Variants in RBFOX3 observed in about 807,000 individuals in gnomAD.
RBFOX3 encodes the protein RNA binding protein fox-1 homolog 3.
Under a neutral mutation model 48.7 loss-of-function variants are expected in RBFOX3, and 17 were observed. That is an observed-to-expected ratio of 0.35 (90% CI 0.24 to 0.52). RBFOX3 has a LOEUF of 0.52. Among genes scored for constraint, RBFOX3 ranks in the 20% least tolerant of loss-of-function variants. RBFOX3 has a pLI of 0.94. For missense variants in RBFOX3, 382 were observed against 497.5 expected (o/e 0.77, Z 2.21); for synonymous variants, 212 against 209.5 (o/e 1.01, Z -0.10).
At chr17:79,356,963 AC>A (rs1275594791) in intron 2 of RBFOX3, among the ~76,000 whole-genome samples, 1 of 151,842 alleles carries the variant, frequency 6.6e-6, no homozygotes, top group Non-Finnish European at 1.5e-5. Flanking sequence ...TTGGCTACCC[AC>A]CTCTTGCTTG....
Position 79,097,347 on chromosome 17 carries a change from C to A in RBFOX3, c.700G>T (p.Val234Leu). Reference sequence around the variant, plus strand: ...GGCGCAGCCCGAAATGTATTATACACGGCCCGGCCCCGGCCCCGAAGATGT... The same window carrying A: ...GGCGCAGCCCGAAATGTATTATACAAGGCCCGGCCCCGGCCCCGAAGATGT... Reference protein sequence around the residue: ...GAHLRGRGRAVYNTFRAAPPP... With the variant: ...GAHLRGRGRALYNTFRAAPPP... The change falls in exon 11 of 15, where the codon GTG (valine) becomes TTG (leucine). Residue 234 changes from valine (V) to leucine (L), a missense_variant. Val to Leu is a conservative substitution (Grantham distance 32). Coordinates refer to ENST00000693108, the MANE Select transcript of RBFOX3 (RefSeq NM_001350451.2). 1 of 1,548,852 alleles carries A rather than the reference C, an allele frequency of 6.5e-7. No individual in the cohort carries two copies. Among genetic ancestry groups the A allele is most frequent in the Non-Finnish European group, 8.7e-7 (1 of 1,146,184 alleles).
At chr17:79,386,057 G>C (rs1163041451) in intron 2 of RBFOX3, among the ~76,000 whole-genome samples, 1 of 147,964 alleles carries the variant, frequency 6.8e-6, no homozygotes, top group Non-Finnish European at 1.5e-5. Context: ...TACAGAAAGA[G>C]GCTCCATCAC....
chr17:79,119,598 C>A (rs1270748376), intron 4 of RBFOX3, among the ~76,000 whole-genome samples: 2 of 152,196 alleles, frequency 1.3e-5, no homozygotes, highest in Admixed American at 6.5e-5. Context: ...AATGTCCCCT[C>A]TTAGCCACCA....
At chr17:79,300,961 G>A (rs1191908729) in intron 3 of RBFOX3, among the ~76,000 whole-genome samples, 6 of 152,176 alleles carry the variant, frequency 3.9e-5, no homozygotes, top group African/African-American at 1.2e-4. Context: ...TGGATGCCAG[G>A]GCTGACGCAG....
chr17:79,112,123 GA>G (rs2146875114), intron 5 of RBFOX3, among the ~76,000 whole-genome samples: 1 of 152,354 alleles, frequency 6.6e-6, no homozygotes, highest in East Asian at 1.9e-4. Context: ...GTCCTGCTCA[GA>G]GGGGAGGAGC....
chr17:79,485,749 G>A (rs912259690), intron 1 of RBFOX3, among the ~76,000 whole-genome samples: 1 of 152,210 alleles, frequency 6.6e-6, no homozygotes, highest in Non-Finnish European at 1.5e-5. Flanking sequence ...CGGAGGGCAG[G>A]GATCAGCCTC....
At chr17:79,458,030 A>G (rs1193839139) in intron 2 of RBFOX3, among the ~76,000 whole-genome samples, 1 of 152,176 alleles carries the variant, frequency 6.6e-6, no homozygotes, top group Admixed American at 6.5e-5. Context: ...TGACCTCGCA[A>G]TCATGCAACC....
the RBFOX3 span, among the ~76,000 whole-genome samples, chr17:79,618,872 G>A: frequency 7.2e-5 from 11 of 152,084 alleles, no homozygotes; most frequent in East Asian, 1.9e-4. Flanking sequence ...TGGGAGAGAC[G>A]GGGAGCAGGA....
At chr17:79,294,318 C>CTT (rs57799825) in intron 3 of RBFOX3, among the ~76,000 whole-genome samples, 1 of 151,324 alleles carries the variant, frequency 6.6e-6, no homozygotes, top group Non-Finnish European at 1.5e-5. Flanking sequence ...ACACCTTTTG[C>CTT]TTTTTTTTTG....
chr17:79,343,641 G>A (rs960066482), intron 2 of RBFOX3, among the ~76,000 whole-genome samples: 2 of 152,190 alleles, frequency 1.3e-5, no homozygotes, highest in African/African-American at 4.8e-5. Flanking sequence ...GGATTCTCCC[G>A]TGGATCAGGT....
rs2086593295 is a variant in RBFOX3 at position 79,362,601 on chromosome 17, C to T, written c.-174-54777G>A. Among the ~76,000 whole-genome samples, 1 of 152,220 alleles carries T rather than the reference C, an allele frequency of 6.6e-6. No homozygotes were observed. The highest frequency in any genetic ancestry group is 1.5e-5 in the Non-Finnish European group (1 of 68,046). ...CCGCGTGTGAGGGGCCCAGAGGCCT[C>T]TTTGCAAAGCTTGAATACCTGGCGC... On this transcript the variant is annotated intron_variant, in intron 2 of 14. Coordinates refer to ENST00000693108, the MANE Select transcript of RBFOX3 (RefSeq NM_001350451.2). This position sits in a 1 kb window ranked among gnomAD's most constrained non-coding sequence, Gnocchi z 4.2.
chr17:79,637,169 G>C, the RBFOX3 span, among the ~76,000 whole-genome samples: 1 of 152,184 alleles, frequency 6.6e-6, no homozygotes, highest in Non-Finnish European at 1.5e-5. Context: ...CATTGAAAGA[G>C]CTAAAGGGAG....
At chr17:79,112,489 G>A (rs771902159) in intron 5 of RBFOX3, among the ~76,000 whole-genome samples, 16 of 152,164 alleles carry the variant, frequency 1.1e-4, no homozygotes, top group Non-Finnish European at 1.5e-4. Context: ...CGGAGCTGGG[G>A]CCCAGGCTGT....
intron 1 of RBFOX3, among the ~76,000 whole-genome samples, chr17:79,609,030 G>C (rs1364112107): frequency 1.3e-5 from 2 of 151,012 alleles, no homozygotes; most frequent in African/African-American, 4.9e-5. Context: ...GCGCCTTCTC[G>C]ACAACTTTTC....
intron 4 of RBFOX3, among the ~76,000 whole-genome samples, chr17:79,165,740 G>C (rs572862361): frequency 1.0e-3 from 159 of 152,322 alleles, no homozygotes; most frequent in African/African-American, 3.6e-3. Flanking sequence ...CCCACCCCCA[G>C]GTTCTGGAAG....
At chr17:79,373,611 G>A (rs1006619526) in intron 2 of RBFOX3, among the ~76,000 whole-genome samples, 6 of 152,112 alleles carry the variant, frequency 3.9e-5, no homozygotes, top group African/African-American at 1.2e-4. Context: ...AATCTGTCTC[G>A]GTGGTTTTAC....
At chr17:79,250,690 T>C (rs1196733954) in intron 3 of RBFOX3, among the ~76,000 whole-genome samples, 2 of 152,150 alleles carry the variant, frequency 1.3e-5, no homozygotes, top group Non-Finnish European at 2.9e-5. Flanking sequence ...CAGGACAGTA[T>C]CCTCTGCAAG....
intron 3 of RBFOX3, among the ~76,000 whole-genome samples, chr17:79,288,231 G>A (rs868680812): frequency 6.6e-6 from 1 of 152,220 alleles, no homozygotes; most frequent in Non-Finnish European, 1.5e-5. Flanking sequence ...GGCCAGGGAA[G>A]CTCACCAGGA....
the RBFOX3 span, among the ~76,000 whole-genome samples, chr17:79,656,103 A>C: frequency 6.6e-6 from 1 of 152,058 alleles, no homozygotes; most frequent in Non-Finnish European, 1.5e-5. Flanking sequence ...AACCACCAGA[A>C]CCCACGTCCT....
Sources: allele counts gnomAD v4.1 joint callset (sites outside exome capture counted in the v4.1 genomes callset), GRCh38; gene constraint gnomAD v4.1.1; non-coding constraint Gnocchi (gnomAD v3.1); transcripts MANE v1.5; gene names NCBI Gene and HGNC (gene_info 2026-07-23, HGNC 2026-07-21).